ST6GALNAC3: variants seen among roughly 807,000 people sequenced by gnomAD.
ST6GALNAC3 encodes ST6 N-acetylgalactosaminide alpha-2,6-sialyltransferase 3.
In ST6GALNAC3, 25 loss-of-function variants were observed where a neutral mutation model predicts 32.7. The ratio of observed to expected loss-of-function variants is 0.76; its 90% CI spans 0.56 to 1.07. ST6GALNAC3 has a LOEUF of 1.07. Ranked by LOEUF, ST6GALNAC3 falls within the 50% of genes least tolerant of loss-of-function variation. ST6GALNAC3 has a pLI of 0.00. For synonymous variants in ST6GALNAC3, 129 were observed against 133.1 expected (o/e 0.97, Z 0.21); for missense variants, 355 against 382.4 (o/e 0.93, Z 0.60).
chr1:76,447,390 C>A (rs1657055954), intron 3 of ST6GALNAC3, among the ~76,000 whole-genome samples: 2 of 152,100 alleles, frequency 1.3e-5, no homozygotes, highest in South Asian at 2.1e-4. Context: ...AACAGCACAA[C>A]AGTTTGGAAA....
intron 3 of ST6GALNAC3, among the ~76,000 whole-genome samples, chr1:76,457,510 A>G (rs888829064): frequency 1.3e-5 from 2 of 151,052 alleles, no homozygotes; most frequent in Non-Finnish European, 3.0e-5. Flanking sequence ...TAACCAAAAC[A>G]GCATGGTACT....
intron 1 of ST6GALNAC3, among the ~76,000 whole-genome samples, chr1:76,246,070 G>A (rs1291376821): frequency 1.3e-5 from 2 of 152,268 alleles, no homozygotes; most frequent in Middle Eastern, 3.4e-3. Flanking sequence ...CTAAGAACTT[G>A]CTCTATGAAT....
chr1:76,520,618 C>G (rs540736012), intron 3 of ST6GALNAC3, among the ~76,000 whole-genome samples: 2 of 152,006 alleles, frequency 1.3e-5, no homozygotes, highest in South Asian at 4.2e-4. Flanking sequence ...TTTGGAGGCT[C>G]TTTTATCTGC....
chr1:76,204,670 G>A (rs1654723034), intron 1 of ST6GALNAC3, among the ~76,000 whole-genome samples: 1 of 152,174 alleles, frequency 6.6e-6, no homozygotes, highest in African/African-American at 2.4e-5. Context: ...AAATCAGGCA[G>A]TATCACTATT....
At chr1:76,356,481 G>A (rs1270493985) in intron 2 of ST6GALNAC3, among the ~76,000 whole-genome samples, 1 of 148,290 alleles carries the variant, frequency 6.7e-6, no homozygotes, top group African/African-American at 2.5e-5. Flanking sequence ...GCCAGTGCAG[G>A]AACAGGGGAG....
At chr1:76,142,469 C>A (rs1650391130) in intron 1 of ST6GALNAC3, among the ~76,000 whole-genome samples, 1 of 152,090 alleles carries the variant, frequency 6.6e-6, no homozygotes, top group African/African-American at 2.4e-5. Flanking sequence ...TCAGCACCAA[C>A]CAGGGGAAGA....
At position 76,074,951 on chromosome 1, in the gene ST6GALNAC3, T is replaced by C. The variant is rs1445811130; in HGVS notation, c.18+67T>C. ...CCCCTTGCTGCTCAGAGGCACGGAG[T>C]CAGCCGCGGTCCCACCGCATCCTCA... On this transcript the variant is annotated intron_variant, in intron 1 of 4. Coordinates refer to ENST00000328299, the MANE Select transcript of ST6GALNAC3 (RefSeq NM_152996.4). The C allele has an allele frequency of 4.5e-6, 7 of 1,548,268 alleles. No individual in the cohort carries two copies. In the Admixed American group the frequency reaches 1.4e-4, roughly 30 times the overall value.
At chr1:76,522,085 TAAAAA>T (rs55954462) in intron 3 of ST6GALNAC3, among the ~76,000 whole-genome samples, 1 of 140,714 alleles carries the variant, frequency 7.1e-6, no homozygotes, top group Non-Finnish European at 1.5e-5. Flanking sequence ...ACTCCATTTC[TAAAAA>T]AAAAAAAAAA....
At chr1:76,203,404 G>A (rs573499849) in intron 1 of ST6GALNAC3, among the ~76,000 whole-genome samples, 1 of 152,148 alleles carries the variant, frequency 6.6e-6, no homozygotes, top group South Asian at 2.1e-4. Context: ...ATTAGTCTGC[G>A]GTTGGTAAGT....
intron 1 of ST6GALNAC3, among the ~76,000 whole-genome samples, chr1:76,120,216 G>A (rs540763791): frequency 2.0e-5 from 3 of 152,240 alleles, no homozygotes; most frequent in Admixed American, 2.0e-4. Flanking sequence ...TGGACTGGGG[G>A]AACAGTGGCA....
chr1:76,150,852 G>A (rs1425639866), intron 1 of ST6GALNAC3, among the ~76,000 whole-genome samples: 1 of 152,206 alleles, frequency 6.6e-6, no homozygotes, highest in Non-Finnish European at 1.5e-5. Context: ...CTTTTTCTAG[G>A]AGATCTTGGC....
chr1:76,121,191 G>A (rs817822), intron 1 of ST6GALNAC3, among the ~76,000 whole-genome samples: 9,236 of 152,180 alleles, frequency 0.061, 311 homozygotes, highest in African/African-American at 0.091. Flanking sequence ...ATATTCACAG[G>A]TTTTGGAGAT....
At chr1:76,635,570 T>A (rs1458600332), downstream of ST6GALNAC3, among the ~76,000 whole-genome samples, 4 of 152,110 alleles carry the variant, frequency 2.6e-5, no homozygotes, top group African/African-American at 2.4e-5. Context: ...TGGCCCAGAG[T>A]CCATACCTAT....
rs144335458 is a variant in ST6GALNAC3 at position 76,449,992 on chromosome 1, C to G, written c.623+37575C>G. Among the ~76,000 whole-genome samples the G allele has an allele frequency of 3.5e-4, 53 of 152,222 alleles. No individual in the cohort carries two copies. In the East Asian group the frequency reaches 0.01, roughly 29 times the overall value. On this transcript the variant is annotated intron_variant, in intron 3 of 4. Coordinates refer to ENST00000328299, the MANE Select transcript of ST6GALNAC3 (RefSeq NM_152996.4). ...AATTATTGATTGATGGGCATTTGGG[C>G]AGGTTCCATATTTTTGCAATTGTGA...
intron 3 of ST6GALNAC3, among the ~76,000 whole-genome samples, chr1:76,468,872 A>G (rs1161381208): frequency 6.6e-6 from 1 of 152,076 alleles, no homozygotes; most frequent in Non-Finnish European, 1.5e-5. Flanking sequence ...GAAAGAAGGT[A>G]GGACATGTGA....
intron 1 of ST6GALNAC3, among the ~76,000 whole-genome samples, chr1:76,116,064 T>C (rs1343425699): frequency 6.6e-6 from 1 of 152,166 alleles, no homozygotes; most frequent in Admixed American, 6.5e-5. Context: ...GCCCTTTCAT[T>C]GCAGAGTGGT....
chr1:76,200,455 G>A (rs1014756609), intron 1 of ST6GALNAC3, among the ~76,000 whole-genome samples: 8 of 151,986 alleles, frequency 5.3e-5, no homozygotes, highest in Non-Finnish European at 1.5e-5. Context: ...TATCTTTCAG[G>A]GGTCTTTGAA....
intron 1 of ST6GALNAC3, among the ~76,000 whole-genome samples, chr1:76,165,536 A>G (rs1202295473): frequency 6.6e-6 from 1 of 152,232 alleles, no homozygotes; most frequent in Non-Finnish European, 1.5e-5. Context: ...ATATATACCC[A>G]GTAATGAGAT....
At chr1:76,517,047 T>A (rs1662215203) in intron 3 of ST6GALNAC3, among the ~76,000 whole-genome samples, 1 of 151,972 alleles carries the variant, frequency 6.6e-6, no homozygotes, top group Non-Finnish European at 1.5e-5. Flanking sequence ...CAATTAATTA[T>A]GGCATAATTT....
Sources: gnomAD v4.1 joint callset for allele counts (sites outside exome capture counted in the v4.1 genomes callset) on GRCh38, gnomAD v4.1.1 for gene constraint, MANE v1.5 for transcripts, NCBI Gene and HGNC (gene_info 2026-07-23, HGNC 2026-07-21) for gene names.